PCDHGB6: variants seen among roughly 807,000 people sequenced by gnomAD.
The protein encoded by PCDHGB6 is protocadherin gamma-B6.
PCDHGB6 carries 51 observed loss-of-function variants against 59.1 expected under a neutral mutation model. That is an observed-to-expected ratio of 0.86 (90% confidence interval 0.69 to 1.09). The LOEUF (loss-of-function observed/expected upper bound fraction) is 1.09, where lower values mean the gene tolerates loss of function less well. PCDHGB6 is among the 50% of genes least tolerant of loss of function. The pLI is 0.00. For synonymous variants in PCDHGB6, 466 were observed against 495.1 expected (o/e 0.94, Z 0.78); for missense variants, 1,148 against 1,205.1 (o/e 0.95, Z 0.70).
Position 141,420,255 on chromosome 5 carries a change from A to T in PCDHGB6, c.2418+9635A>T, listed in dbSNP as rs917458059. The T allele has an allele frequency of 2.5e-6, 4 of 1,569,630 alleles. No homozygotes were observed. The highest frequency in any genetic ancestry group is 1.4e-5 in the African/African-American group (1 of 73,152). On this transcript the variant is annotated intron_variant, in intron 1 of 3. Coordinates refer to ENST00000520790, the MANE Select transcript of PCDHGB6 (RefSeq NM_018926.3). ...ATTTTAACTCCCAGCGTTGAAGCAG[A>T]TAAGAAGATTCTTAAACAGGTAAGT...
At chr5:141,417,955 G>C in intron 1 of PCDHGB6, 2 of 1,613,634 alleles carry the variant, frequency 1.2e-6, no homozygotes, top group Middle Eastern at 1.7e-4. Flanking sequence ...TGTGTGAGCC[G>C]ATCCGCTACT....
At chr5:141,426,407 C>T (rs974898367) in intron 1 of PCDHGB6, 5 of 257,632 alleles carry the variant, frequency 1.9e-5, no homozygotes, top group African/African-American at 6.6e-5. Context: ...CCAGAAGAAA[C>T]GGTCCAGGGC....
intron 1 of PCDHGB6, among the ~76,000 whole-genome samples, chr5:141,425,058 G>A (rs938128250): frequency 1.3e-5 from 2 of 151,986 alleles, no homozygotes; most frequent in African/African-American, 2.4e-5. Context: ...TCTAGGGCTC[G>A]GACAAAAATA....
intron 1 of PCDHGB6, chr5:141,421,914 T>C: frequency 4.3e-6 from 7 of 1,613,742 alleles, no homozygotes; most frequent in Non-Finnish European, 5.9e-6. Flanking sequence ...CAGTTCCCAT[T>C]CGTGTGGTGG....
chr5:141,418,270 A>T, intron 1 of PCDHGB6: 1 of 1,614,052 alleles, frequency 6.2e-7, no homozygotes. Context: ...GGAAAGATGA[A>T]ATAAACTTAG....
At chr5:141,502,534 C>T (rs565889110) in intron 2 of PCDHGB6, among the ~76,000 whole-genome samples, 10 of 152,074 alleles carry the variant, frequency 6.6e-5, no homozygotes, top group Non-Finnish European at 1.0e-4. Context: ...CGAGTTTGTT[C>T]GTGTGGTAAA....
In PCDHGB6 at chr5:141,489,948, T is replaced by C; in HGVS notation, c.2419-4859T>C. 2 of 1,614,210 alleles carry C rather than the reference T, an allele frequency of 1.2e-6. No individual in the cohort carries two copies. Among genetic ancestry groups the C allele is most frequent in the Non-Finnish European group, 1.7e-6 (2 of 1,180,030 alleles). On this transcript the variant is annotated intron_variant, in intron 1 of 3. Coordinates refer to ENST00000520790, the MANE Select transcript of PCDHGB6 (RefSeq NM_018926.3). The surrounding 1 kb of genome is among the most constrained non-coding windows in gnomAD (Gnocchi z 4.5). ...TCTCTGTCATCGTGCTGGACATCAA[T>C]GATAATGCTCCAACCTTCCAATCCT...
chr5:141,415,355 G>A (rs1200011688), intron 1 of PCDHGB6: 2 of 1,614,210 alleles, frequency 1.2e-6, no homozygotes, highest in Non-Finnish European at 1.7e-6. Context: ...CACAAGTCAC[G>A]CCTGCTGCAG....
chr5:141,485,786 C>A lies in PCDHGB6; in HGVS notation c.2419-9021C>A. On this transcript the variant is annotated intron_variant, in intron 1 of 3. Transcript: ENST00000520790. This position sits in a 1 kb window ranked among gnomAD's most constrained non-coding sequence, Gnocchi z 5.7. ...GGAGAAGCCTTTGGATCGAGAGAAG[C>A]AATCGGACTACCGCCTGGTGCTGAC... 1 of 1,614,208 alleles carries A rather than the reference C, an allele frequency of 6.2e-7. No individual in the cohort carries two copies. The highest frequency in any genetic ancestry group is 1.3e-5 in the African/African-American group (1 of 75,062).
At chr5:141,430,084 A>G (rs538721051) in intron 1 of PCDHGB6, among the ~76,000 whole-genome samples, 2 of 152,292 alleles carry the variant, frequency 1.3e-5, no homozygotes, top group Admixed American at 1.3e-4. Context: ...AATATCATGA[A>G]AATTTGATTT....
intron 1 of PCDHGB6, among the ~76,000 whole-genome samples, chr5:141,460,612 T>C (rs1215147315): frequency 6.6e-6 from 1 of 152,128 alleles, no homozygotes; most frequent in African/African-American, 2.4e-5. Flanking sequence ...GTTAGATGGA[T>C]AGATAGACAG....
intron 1 of PCDHGB6, among the ~76,000 whole-genome samples, chr5:141,469,568 T>C (rs942597017): frequency 6.6e-6 from 1 of 152,184 alleles, no homozygotes. Flanking sequence ...AGTGAGACTC[T>C]GTCTCTAAAT....
intron 1 of PCDHGB6, chr5:141,422,451 C>A: frequency 6.2e-7 from 1 of 1,611,518 alleles, no homozygotes; most frequent in East Asian, 2.2e-5. Context: ...TGATAACAAG[C>A]AGAGTGCTGG....
In PCDHGB6 at chr5:141,477,875, G is replaced by A. The variant is rs760433987; in HGVS notation, c.2419-16932G>A. Reference sequence around the variant, plus strand: ...GATGCTGCCTCGAGGTACCTCAGCTGGCCACCTAGTGTCACGGGTGGTAGG... The same window carrying A: ...GATGCTGCCTCGAGGTACCTCAGCTAGCCACCTAGTGTCACGGGTGGTAGG... On this transcript the variant is annotated intron_variant, in intron 1 of 3. Coordinates refer to ENST00000520790, the MANE Select transcript of PCDHGB6 (RefSeq NM_018926.3). The surrounding 1 kb of genome is among the most constrained non-coding windows in gnomAD (Gnocchi z 4.9). 1 of 1,614,162 alleles carries A rather than the reference G, an allele frequency of 6.2e-7. No homozygotes were observed. Among genetic ancestry groups the A allele is most frequent in the Non-Finnish European group, 8.5e-7 (1 of 1,180,028 alleles).
rs756252337 is a variant in PCDHGB6, at chr5:141,413,183, C to T, written c.2418+2563C>T. The T allele has an allele frequency of 3.7e-6, 6 of 1,605,222 alleles. No individual in the cohort carries two copies. The Admixed American group carries it at 1.0e-4, about 27-fold the overall frequency. Reference sequence around the variant, plus strand: ...TTCTGTAACCAGACTACAATGGCCGCTCAAAGGAATCGCTCAAAGGAATCA... The same window carrying T: ...TTCTGTAACCAGACTACAATGGCCGTTCAAAGGAATCGCTCAAAGGAATCA... On this transcript the variant is annotated intron_variant, in intron 1 of 3. Transcript: ENST00000520790.
chr5:141,421,219 G>C (rs894586889), intron 1 of PCDHGB6: 1 of 1,573,208 alleles, frequency 6.4e-7, no homozygotes. Context: ...TATCGGCTTA[G>C]AGCCTGCCAT....
chr5:141,427,425 AC>A (rs1184817093), intron 1 of PCDHGB6: 2 of 469,034 alleles, frequency 4.3e-6, no homozygotes, highest in Non-Finnish European at 8.5e-6. Flanking sequence ...TGGGGAGGTT[AC>A]ATGCCTCATA....
At chr5:141,413,109 A>G in intron 1 of PCDHGB6, 2 of 1,498,490 alleles carry the variant, frequency 1.3e-6, no homozygotes, top group African/African-American at 1.4e-5. Flanking sequence ...ACAGAAAGAC[A>G]AAGGAACCGG....
In PCDHGB6 at chr5:141,491,081, C is replaced by T; in HGVS notation, c.2419-3726C>T. The T allele has an allele frequency of 6.2e-7, 1 of 1,614,176 alleles. No individual in the cohort carries two copies. The highest frequency in any genetic ancestry group is 8.5e-7 in the Non-Finnish European group (1 of 1,180,010). On this transcript the variant is annotated intron_variant, in intron 1 of 3. Coordinates refer to ENST00000520790, the MANE Select transcript of PCDHGB6 (RefSeq NM_018926.3). The surrounding 1 kb of genome is among the most constrained non-coding windows in gnomAD (Gnocchi z 6.9). Reference sequence around the variant, plus strand: ...TCCTACTCACTGTTGCCACAGTCCACAGCCCCAGGACTGTTCCTCGTGTCT... The same window carrying T: ...TCCTACTCACTGTTGCCACAGTCCATAGCCCCAGGACTGTTCCTCGTGTCT...
Sources: allele counts gnomAD v4.1 joint callset (sites outside exome capture counted in the v4.1 genomes callset), GRCh38; gene constraint gnomAD v4.1.1; non-coding constraint Gnocchi (gnomAD v3.1); transcripts MANE v1.5; gene names NCBI Gene and HGNC (gene_info 2026-07-23, HGNC 2026-07-21).